Variants in NR3C1 observed in about 807,000 individuals in gnomAD.
NR3C1 encodes nuclear receptor subfamily 3 group C member 1.
In NR3C1, 14 loss-of-function variants were observed where a neutral mutation model predicts 74.0. The observed-to-expected ratio is 0.19, with a 90% confidence interval of 0.12 to 0.30. The LOEUF is 0.30. NR3C1 is among the 10% of genes least tolerant of loss of function. The pLI is 1.00. For missense variants in NR3C1, 695 were observed against 909.8 expected, an observed-to-expected ratio of 0.76 and a Z score of 3.04; for synonymous variants, 308 against 332.5, an observed-to-expected ratio of 0.93 and a Z score of 0.80.
At chr5:143,312,603 A>G (rs1301281231) in intron 3 of NR3C1, among the ~76,000 whole-genome samples, 1 of 152,154 alleles carries the variant, frequency 6.6e-6, no homozygotes, top group Non-Finnish European at 1.5e-5. Context: ...TTAAGAATGG[A>G]GTGCTAAGTG....
chr5:143,317,547 G>T (rs543450544), intron 2 of NR3C1, among the ~76,000 whole-genome samples: 1 of 152,244 alleles, frequency 6.6e-6, no homozygotes, highest in South Asian at 2.1e-4. Context: ...CTGAATGCTG[G>T]TGGTTCCCAA....
At chr5:143,289,656 G>C (rs949619905) in intron 7 of NR3C1, among the ~76,000 whole-genome samples, 3 of 152,086 alleles carry the variant, frequency 2.0e-5, no homozygotes, top group African/African-American at 7.2e-5. Flanking sequence ...GCCACATTGA[G>C]AATATTTGAA....
intron 2 of NR3C1, among the ~76,000 whole-genome samples, chr5:143,367,727 T>A (rs1461214776): frequency 1.3e-5 from 2 of 152,182 alleles, no homozygotes; most frequent in Non-Finnish European, 2.9e-5. Flanking sequence ...TACAAAATAT[T>A]AATGAAAGAA....
At chr5:143,382,734 C>T (rs1449435590) in intron 2 of NR3C1, among the ~76,000 whole-genome samples, 2 of 152,202 alleles carry the variant, frequency 1.3e-5, no homozygotes, top group Non-Finnish European at 2.9e-5. Context: ...TCAAAACTAG[C>T]TCCATTTGGA....
In NR3C1 at chr5:143,300,391, A is replaced by T. The variant is rs1468875535; in HGVS notation, c.1747+94T>A. The T allele has an allele frequency of 1.4e-5, 21 of 1,469,128 alleles. No homozygotes were observed. The highest frequency in any genetic ancestry group is 4.2e-5 in the African/African-American group (3 of 72,070). The allele number at this position is 1,469,128 out of a possible 1,614,324, so 91.0% of individuals were successfully genotyped here. ...CCCCAGAACTAAGAGAAACAAGATA[A>T]GCCATGGGCTCACGATGATATAAAA... On this transcript the variant is annotated intron_variant, in intron 5 of 8. Transcript: ENST00000394464. This position sits in a 1 kb window ranked among gnomAD's most constrained non-coding sequence, Gnocchi z 5.2.
intron 6 of NR3C1, 101 bp from the exon 7 acceptor site, chr5:143,295,691 A>AAAAC: frequency 1.1e-6 from 1 of 907,028 alleles, no homozygotes; most frequent in Non-Finnish European, 1.8e-6. Context: ...CTCATAAAGA[A>AAAAC]AAACAACTAC....
intron 1 of NR3C1, among the ~76,000 whole-genome samples, chr5:143,424,260 C>T (rs116662089): frequency 0.038 from 5,708 of 151,666 alleles, 338 homozygotes; most frequent in African/African-American, 0.13. Flanking sequence ...TTAATGGATA[C>T]GAAAATGCAG....
At chr5:143,405,142 C>A (rs1841025663), upstream of NR3C1, 3 of 985,426 alleles carry the variant, frequency 3.0e-6, no homozygotes, top group East Asian at 1.1e-4. Flanking sequence ...CGGGACCGAG[C>A]CTCCTACCTT....
chr5:143,387,083 G>T (rs1408301698), intron 2 of NR3C1, among the ~76,000 whole-genome samples: 11 of 152,210 alleles, frequency 7.2e-5, no homozygotes, highest in Admixed American at 2.0e-4. Flanking sequence ...GGAGACTATT[G>T]ATAAGAGTAA....
At chr5:143,380,742 G>A (rs369701404) in intron 2 of NR3C1, among the ~76,000 whole-genome samples, 8 of 152,090 alleles carry the variant, frequency 5.3e-5, no homozygotes, top group African/African-American at 1.7e-4. Context: ...GCTTATGGCC[G>A]AAATATAAAT....
At chr5:143,376,555 G>A (rs1170280819) in intron 2 of NR3C1, among the ~76,000 whole-genome samples, 1 of 152,154 alleles carries the variant, frequency 6.6e-6, no homozygotes, top group Non-Finnish European at 1.5e-5. Flanking sequence ...TGGCTATTGT[G>A]GGATTCTCCT....
At chr5:143,312,397 T>C (rs1275834814) in intron 3 of NR3C1, among the ~76,000 whole-genome samples, 3 of 152,200 alleles carry the variant, frequency 2.0e-5, no homozygotes, top group Non-Finnish European at 2.9e-5. Flanking sequence ...ATGTAAATTA[T>C]AATGCTACTC....
chr5:143,356,357 T>A lies in NR3C1; in HGVS notation c.1185-42189A>T, dbSNP rs1831134294. On this transcript the variant is annotated intron_variant, in intron 2 of 8. Transcript: ENST00000394464. ...TGAGAGCTTAATATTAATATTAATA[T>A]TAAGAAATGGAGCATCCAGAGAAAT... Among the ~76,000 whole-genome samples the A allele has an allele frequency of 2.0e-5, 3 of 152,084 alleles. No homozygotes were observed. In the South Asian group the frequency reaches 6.2e-4, roughly 31 times the overall value.
intron 3 of NR3C1, among the ~76,000 whole-genome samples, chr5:143,312,919 G>T (rs1411231896): frequency 6.6e-6 from 1 of 152,174 alleles, no homozygotes; most frequent in South Asian, 2.1e-4. Flanking sequence ...TAATCAATAG[G>T]TGGGACTACT....
upstream of NR3C1, chr5:143,404,381 G>A (rs1840912728): frequency 2.0e-6 from 2 of 983,968 alleles, no homozygotes; most frequent in African/African-American, 1.8e-5. Context: ...CGTACTTTGG[G>A]CCCGGGGGGA....
In NR3C1 at chr5:143,325,168, A is replaced by T. The variant is rs139081004; in HGVS notation, c.1185-11000T>A. Among the ~76,000 whole-genome samples, 154 of 152,316 alleles carry T rather than the reference A, an allele frequency of 1.0e-3. 3 individuals carry two copies. In the East Asian group the frequency reaches 0.022, roughly 22 times the overall value. ...GTCCATTTTCATGCTTGTGATAAAG[A>T]CACACCCAAAACTGGGAACAAAAAG... On this transcript the variant is annotated intron_variant, in intron 2 of 8. Transcript: ENST00000394464.
At chr5:143,325,494 T>C (rs1401001861) in intron 2 of NR3C1, among the ~76,000 whole-genome samples, 1 of 152,196 alleles carries the variant, frequency 6.6e-6, no homozygotes, top group Non-Finnish European at 1.5e-5. Context: ...CGCATCACTA[T>C]CTCTGTTACC....
At chr5:143,383,588 T>C (rs1043918946) in intron 2 of NR3C1, among the ~76,000 whole-genome samples, 1 of 152,206 alleles carries the variant, frequency 6.6e-6, no homozygotes, top group Non-Finnish European at 1.5e-5. Context: ...TGGGGGGCTA[T>C]GGCCTGGACT....
intron 2 of NR3C1, among the ~76,000 whole-genome samples, chr5:143,356,379 A>G (rs1443445967): frequency 6.6e-6 from 1 of 152,142 alleles, no homozygotes; most frequent in Admixed American, 6.5e-5. Flanking sequence ...GCATCCAGAG[A>G]AATAGAAAAT....
Sources: gnomAD v4.1 joint callset for allele counts (sites outside exome capture counted in the v4.1 genomes callset) on GRCh38, gnomAD v4.1.1 for gene constraint, Gnocchi (gnomAD v3.1) non-coding constraint, MANE v1.5 for transcripts, NCBI Gene and HGNC (gene_info 2026-07-23, HGNC 2026-07-21) for gene names.